Variants in SYNE2 observed in about 807,000 individuals in gnomAD.
SYNE2 encodes spectrin repeat containing nuclear envelope protein 2, also known as nesprin-2.
A neutral mutation model predicts 856.3 loss-of-function variants in SYNE2; 431 were observed. That is an observed-to-expected ratio of 0.50 (90% CI 0.47 to 0.55). The LOEUF is 0.55. Ranked by LOEUF, SYNE2 falls within the 20% of genes least tolerant of loss-of-function variation. SYNE2 has a pLI of 0.00. For synonymous variants in SYNE2, 2,923 were observed against 2,872.3 expected, an observed-to-expected ratio of 1.02 and a Z score of -0.56; for missense variants, 8,129 against 8,023.2, an observed-to-expected ratio of 1.01 and a Z score of -0.50.
chr14:63,938,454 C>G (rs763710951), intron 2 of SYNE2, among the ~76,000 whole-genome samples: 4 of 152,038 alleles, frequency 2.6e-5, no homozygotes, highest in Non-Finnish European at 5.9e-5. Context: ...TTAGAAAGTA[C>G]TAAGAATTAG....
At chr14:63,948,750 G>GTGTA (rs1312869875) in intron 6 of SYNE2, among the ~76,000 whole-genome samples, 5 of 96,124 alleles carry the variant, frequency 5.2e-5, no homozygotes, top group East Asian at 2.8e-4. Flanking sequence ...ATATGTGTGT[G>GTGTA]TATATATATG....
At chr14:64,063,302 C>A (rs576982560) in intron 50 of SYNE2, among the ~76,000 whole-genome samples, 17 of 152,306 alleles carry the variant, frequency 1.1e-4, no homozygotes, top group African/African-American at 4.1e-4. Context: ...CCAGCCTCGG[C>A]CTTTCAAAGT....
intron 66 of SYNE2, among the ~76,000 whole-genome samples, chr14:64,114,189 C>A (rs569716070): frequency 6.6e-6 from 1 of 152,158 alleles, no homozygotes; most frequent in Non-Finnish European, 1.5e-5. Context: ...ATATAAACTT[C>A]CTTGCCGCTA....
intron 11 of SYNE2, among the ~76,000 whole-genome samples, chr14:63,969,129 C>T (rs1288618203): frequency 6.6e-6 from 1 of 151,328 alleles, no homozygotes; most frequent in Non-Finnish European, 1.5e-5. Flanking sequence ...ATAGTGACTT[C>T]CACTTCCATC....
chr14:64,214,667 AGGGGG>A, intron 106 of SYNE2, 197 bp downstream of exon 106: 1 of 617,142 alleles, frequency 1.6e-6, no homozygotes. Flanking sequence ...GTGGAATGAA[AGGGGG>A]AAAAAAAATG....
At chr14:64,217,583 G>GA (rs2098672578) in intron 108 of SYNE2, among the ~76,000 whole-genome samples, 1 of 152,100 alleles carries the variant, frequency 6.6e-6, no homozygotes, top group African/African-American at 2.4e-5. Flanking sequence ...AATAAGACAG[G>GA]GGAAAGACCG....
intron 1 of SYNE2, among the ~76,000 whole-genome samples, chr14:63,884,433 G>C (rs140239282): frequency 6.6e-6 from 1 of 152,256 alleles, no homozygotes; most frequent in Non-Finnish European, 1.5e-5. Context: ...TTGATGTTTG[G>C]AACTGGATAC....
intron 8 of SYNE2, among the ~76,000 whole-genome samples, chr14:63,957,494 C>A (rs926651208): frequency 1.9e-4 from 29 of 151,686 alleles, no homozygotes; most frequent in African/African-American, 7.0e-4. Context: ...GTCTTGAACT[C>A]CTGGCCTCAA....
intron 57 of SYNE2, 83 bp from the exon 58 acceptor site, chr14:64,087,588 A>C: frequency 6.9e-7 from 1 of 1,456,008 alleles, no homozygotes; most frequent in Non-Finnish European, 9.6e-7. Context: ...GATAACTTTC[A>C]ATTTTCTCTG....
chr14:63,782,391 C>A (rs1369676883), intron 1 of SYNE2, among the ~76,000 whole-genome samples: 1 of 148,080 alleles, frequency 6.8e-6, no homozygotes, highest in Non-Finnish European at 1.5e-5. Context: ...TCACCTGAAC[C>A]CAGGAGGCAG....
intron 48 of SYNE2, among the ~76,000 whole-genome samples, chr14:64,054,077 T>A (rs551956286): frequency 6.6e-6 from 1 of 152,348 alleles, no homozygotes; most frequent in South Asian, 2.1e-4. Flanking sequence ...AGCTATAGGT[T>A]CTACGTAGAA....
rs376536055 is a variant in SYNE2, at chr14:64,165,515, CTTATT to C, written c.16605+108_16605+112del. 2.4e-5 allele frequency: 31 copies of C among 1,289,194 alleles called. No individual in the cohort carries two copies. The African/African-American group carries it at 4.7e-4, about 19-fold the overall frequency. The allele number at this position is 1,289,194 out of a possible 1,614,324, so 79.9% of individuals were successfully genotyped here. A position where few individuals can be genotyped will look rare whatever the true frequency, so the allele number is the denominator to read the frequency against. On this transcript the variant is annotated intron_variant, in intron 90 of 115. Transcript: ENST00000555002. ...TGGAATGCTTGCATCCTAACTCACT[CTTATT>C]TTTTTTTTTTGAGACGGACTCTCGC...
chr14:63,853,227 A>G (rs1249543556), intron 1 of SYNE2, 84 bp downstream of exon 1: 3 of 140,472 alleles, frequency 2.1e-5, no homozygotes, highest in Non-Finnish European at 4.7e-5. Context: ...GGGGCGAGAG[A>G]GGGAAAGGTC....
chr14:64,068,755 G>A lies in SYNE2; in HGVS notation c.10432-1890G>A, dbSNP rs1255969. Among the ~76,000 whole-genome samples, 80 of 150,848 alleles carry A rather than the reference G, an allele frequency of 5.3e-4. 1 individual carries two copies. The highest frequency in any genetic ancestry group is 1.5e-3 in the African/African-American group (62 of 41,056). ...CAGGTGCCTGTAATCCCAGCTGCTC[G>A]GGAGGCTGAGGCAGAGGATTGCTTG... is the stretch of plus-strand genomic sequence containing the variant. On this transcript the variant is annotated intron_variant, in intron 51 of 115. Transcript: ENST00000555002.
Position 63,940,695 on chromosome 14 carries a change from A to C in SYNE2, c.141+20A>C. 1 of 1,612,136 alleles carries C rather than the reference A, an allele frequency of 6.2e-7. No individual in the cohort carries two copies. The highest frequency in any genetic ancestry group is 1.1e-5 in the South Asian group (1 of 91,034). Reference sequence around the variant, plus strand: ...GCCAGGGTAAGCAAATGAAGACCAAATTAGTTTATAAATCTATTTATTACT... The same window carrying C: ...GCCAGGGTAAGCAAATGAAGACCAACTTAGTTTATAAATCTATTTATTACT... On this transcript the variant is annotated intron_variant, in intron 3 of 115. Coordinates refer to ENST00000555002, the MANE Select transcript of SYNE2 (RefSeq NM_182914.3).
At chr14:63,853,654 G>A (rs1325466193) in intron 1 of SYNE2, among the ~76,000 whole-genome samples, 2 of 151,540 alleles carry the variant, frequency 1.3e-5, no homozygotes, top group Admixed American at 1.3e-4. Context: ...GATCGTGAGC[G>A]GTGCGGTGCT....
chr14:64,113,618 T>C lies in SYNE2; in HGVS notation c.12840+47T>C, dbSNP rs1339510142. Reference sequence around the variant, plus strand: ...TCATGGTTTGCCTCTCCACCAATCATCTGCCAAGATTGGGTGAATTTCTCT... The same window carrying C: ...TCATGGTTTGCCTCTCCACCAATCACCTGCCAAGATTGGGTGAATTTCTCT... On this transcript the variant is annotated intron_variant, in intron 66 of 115. Transcript: ENST00000555002. The C allele has an allele frequency of 7.1e-6, 11 of 1,543,422 alleles. No homozygotes were observed. In the East Asian group the frequency reaches 2.7e-4, roughly 37 times the overall value.
chr14:63,968,834 T>C (rs145418685), intron 11 of SYNE2, among the ~76,000 whole-genome samples: 3 of 152,374 alleles, frequency 2.0e-5, no homozygotes, highest in African/African-American at 7.2e-5. Context: ...TCCTTTGATG[T>C]ACAAACAATC....
At chr14:63,797,484 T>A (rs1311091669) in intron 1 of SYNE2, among the ~76,000 whole-genome samples, 1 of 152,108 alleles carries the variant, frequency 6.6e-6, no homozygotes, top group African/African-American at 2.4e-5. Context: ...GGAGCCTAAT[T>A]TCTTATCTAT....
Sources: gnomAD v4.1 joint callset for allele counts (sites outside exome capture counted in the v4.1 genomes callset) on GRCh38, gnomAD v4.1.1 for gene constraint, MANE v1.5 for transcripts, NCBI Gene and HGNC (gene_info 2026-07-23, HGNC 2026-07-21) for gene names.